The following TNFSF4 variants were observed in gnomAD, a reference collection of about 807,000 sequenced individuals.
TNFSF4 encodes TNF superfamily member 4, also known as tumor necrosis factor ligand superfamily member 4.
TNFSF4 carries 4 observed loss-of-function variants against 7.3 expected under a neutral mutation model. That is an observed-to-expected ratio of 0.55 (90% CI 0.27 to 1.25). The LOEUF (loss-of-function observed/expected upper bound fraction) is 1.25. TNFSF4 is among the 50% of genes most tolerant of loss of function. TNFSF4 has a pLI of 0.12. For missense variants in TNFSF4, 181 were observed against 208.8 expected (o/e 0.87, Z 0.82); for synonymous variants, 76 against 83.7 (o/e 0.91, Z 0.50).
At chr1:173,179,951 A>G (rs181781979), downstream of TNFSF4, among the ~76,000 whole-genome samples, 2 of 152,302 alleles carry the variant, frequency 1.3e-5, no homozygotes, top group East Asian at 3.9e-4. Flanking sequence ...CAGTTCACAG[A>G]GCTGGTTTCT....
intron 1 of TNFSF4, among the ~76,000 whole-genome samples, chr1:173,199,837 CATT>C (rs1382091293): frequency 7.0e-6 from 1 of 143,074 alleles, no homozygotes; most frequent in Non-Finnish European, 1.6e-5. Flanking sequence ...AGCTTAATCT[CATT>C]ATCATTTAAA....
chr1:173,179,852 C>T (rs767875254), downstream of TNFSF4, among the ~76,000 whole-genome samples: 4 of 152,138 alleles, frequency 2.6e-5, no homozygotes, highest in Non-Finnish European at 5.9e-5. Context: ...AACCATTCGC[C>T]TTCATTTCTA....
chr1:173,243,004 T>G, the TNFSF4 span, among the ~76,000 whole-genome samples: 2,603 of 25,368 alleles, frequency 0.1, 198 homozygotes, highest in East Asian at 0.16. Context: ...AGTTGGTGGG[T>G]GGGGGGGGGG....
chr1:173,316,827 G>C, the TNFSF4 span, among the ~76,000 whole-genome samples: 2 of 151,930 alleles, frequency 1.3e-5, no homozygotes, highest in Non-Finnish European at 2.9e-5. Flanking sequence ...TGTTGTACTA[G>C]ACAAAAGAAA....
the TNFSF4 span, among the ~76,000 whole-genome samples, chr1:173,305,731 A>T: frequency 2.3e-4 from 35 of 151,794 alleles, no homozygotes; most frequent in Non-Finnish European, 4.1e-4. Flanking sequence ...TCACAGTTTC[A>T]CATGGCTGGG....
chr1:173,369,440 C>A, the TNFSF4 span, among the ~76,000 whole-genome samples: 1 of 152,144 alleles, frequency 6.6e-6, no homozygotes, highest in Non-Finnish European at 1.5e-5. Context: ...CTTCCTCAGT[C>A]CTCTTTGTGG....
upstream of TNFSF4, among the ~76,000 whole-genome samples, chr1:173,210,487 C>G (rs1258320122): frequency 6.6e-6 from 1 of 152,074 alleles, no homozygotes; most frequent in African/African-American, 2.4e-5. Flanking sequence ...GGAACTACAG[C>G]TGAAGAGGAA....
At chr1:173,336,849 T>C in the TNFSF4 span, among the ~76,000 whole-genome samples, 2 of 151,850 alleles carry the variant, frequency 1.3e-5, no homozygotes, top group Non-Finnish European at 2.9e-5. Flanking sequence ...CTTCGAAAAG[T>C]AAAGGTCAGT....
the TNFSF4 span, among the ~76,000 whole-genome samples, chr1:173,264,358 C>T: frequency 7.7e-6 from 1 of 130,410 alleles, no homozygotes; most frequent in East Asian, 2.2e-4. Flanking sequence ...AGTGGTCTCT[C>T]TATGTTGCTC....
chr1:173,362,712 T>A, the TNFSF4 span: 1 of 395,382 alleles, frequency 2.5e-6, no homozygotes, highest in Admixed American at 3.3e-5. Flanking sequence ...GAGGGAGGTA[T>A]TAATGACAAC....
At chr1:173,291,178 C>G in the TNFSF4 span, among the ~76,000 whole-genome samples, 3 of 152,106 alleles carry the variant, frequency 2.0e-5, no homozygotes, top group Non-Finnish European at 4.4e-5. Context: ...AAAACAGGAG[C>G]GAGCACCTTA....
At chr1:173,349,129 C>T in the TNFSF4 span, among the ~76,000 whole-genome samples, 7 of 152,206 alleles carry the variant, frequency 4.6e-5, no homozygotes, top group Admixed American at 6.5e-5. Context: ...CCCGGGTTCA[C>T]GCCATTCTCC....
chr1:173,290,869 AC>A, the TNFSF4 span, among the ~76,000 whole-genome samples: 1 of 152,158 alleles, frequency 6.6e-6, no homozygotes, highest in African/African-American at 2.4e-5. Context: ...AAAAAATCAT[AC>A]CAACCACACT....
chr1:173,229,189 C>G, the TNFSF4 span, among the ~76,000 whole-genome samples: 1 of 152,146 alleles, frequency 6.6e-6, no homozygotes, highest in African/African-American at 2.4e-5. Flanking sequence ...AAAGAAAGGT[C>G]AAGTTACCCA....
the TNFSF4 span, among the ~76,000 whole-genome samples, chr1:173,448,483 T>C: frequency 6.6e-6 from 1 of 152,100 alleles, no homozygotes; most frequent in Non-Finnish European, 1.5e-5. Context: ...TTTAACCACC[T>C]GGGTGCAGGT....
At chr1:173,380,929 C>A in the TNFSF4 span, among the ~76,000 whole-genome samples, 1 of 152,196 alleles carries the variant, frequency 6.6e-6, no homozygotes, top group African/African-American at 2.4e-5. Context: ...TCCCCACTAA[C>A]TGGACAGGCA....
the TNFSF4 span, among the ~76,000 whole-genome samples, chr1:173,297,434 G>T: frequency 6.6e-6 from 1 of 151,988 alleles, no homozygotes; most frequent in African/African-American, 2.4e-5. Flanking sequence ...GGCAAAGCCA[G>T]GGTTGAGTGC....
chr1:173,329,578 C>G, the TNFSF4 span, among the ~76,000 whole-genome samples: 25 of 152,092 alleles, frequency 1.6e-4, no homozygotes, highest in East Asian at 7.7e-4. Context: ...ATATAGTTGT[C>G]TATTAGAGCA....
chr1:173,280,350 C>T, the TNFSF4 span, among the ~76,000 whole-genome samples: 3 of 152,086 alleles, frequency 2.0e-5, no homozygotes, highest in African/African-American at 7.2e-5. Context: ...TATGAATTCC[C>T]TGAGTTCAAG....
Sources: allele counts gnomAD v4.1 joint callset (sites outside exome capture counted in the v4.1 genomes callset), GRCh38; gene constraint gnomAD v4.1.1; transcripts MANE v1.5; gene names NCBI Gene and HGNC (gene_info 2026-07-23, HGNC 2026-07-21).